CDK8: variants seen among roughly 807,000 people sequenced by gnomAD.
CDK8 encodes cyclin dependent kinase 8.
A neutral mutation model predicts 71.5 loss-of-function variants in CDK8; 29 were observed. That is an observed-to-expected ratio of 0.41 (90% CI 0.30 to 0.55). The LOEUF (loss-of-function observed/expected upper bound fraction) is 0.55, where lower values mean the gene tolerates loss of function less well. Among genes scored for constraint, CDK8 ranks in the 20% least tolerant of loss-of-function variants. The pLI is 0.37. For synonymous variants in CDK8, 161 were observed against 192.1 expected (o/e 0.84, Z 1.34); for missense variants, 288 against 572.6 (o/e 0.50, Z 5.07).
chr13:26,322,026 A>G (rs949877142), intron 1 of CDK8, among the ~76,000 whole-genome samples: 1 of 152,104 alleles, frequency 6.6e-6, no homozygotes, highest in South Asian at 2.1e-4. Context: ...TTCGGGATAA[A>G]TGTTATCATC....
At chr13:26,283,234 T>G (rs1401414035) in intron 1 of CDK8, among the ~76,000 whole-genome samples, 4 of 152,194 alleles carry the variant, frequency 2.6e-5, no homozygotes, top group African/African-American at 9.6e-5. Flanking sequence ...ACCCAACAAC[T>G]GCAGAATATA....
intron 4 of CDK8, among the ~76,000 whole-genome samples, chr13:26,371,798 A>G (rs774389027): frequency 6.6e-5 from 10 of 151,874 alleles, no homozygotes; most frequent in Non-Finnish European, 1.5e-4. Flanking sequence ...TTGTATTTTT[A>G]GTAGAGATGG....
chr13:26,322,078 C>T (rs1164811714), intron 1 of CDK8, among the ~76,000 whole-genome samples: 2 of 152,044 alleles, frequency 1.3e-5, no homozygotes, highest in African/African-American at 4.8e-5. Context: ...GCCAGGAAGT[C>T]CCACTGATTG....
chr13:26,264,999 G>A (rs1871960294), intron 1 of CDK8, among the ~76,000 whole-genome samples: 1 of 152,102 alleles, frequency 6.6e-6, no homozygotes, highest in East Asian at 1.9e-4. Flanking sequence ...TTAGATTGAT[G>A]CCATACCTTT....
chr13:26,389,377 C>T (rs986670516), intron 6 of CDK8, among the ~76,000 whole-genome samples: 2 of 151,968 alleles, frequency 1.3e-5, no homozygotes, highest in Non-Finnish European at 2.9e-5. Flanking sequence ...CCAGGCTGGT[C>T]TCGAACTCCT....
chr13:26,294,053 A>G (rs549174904), intron 1 of CDK8, among the ~76,000 whole-genome samples: 1 of 152,308 alleles, frequency 6.6e-6, no homozygotes, highest in South Asian at 2.1e-4. Context: ...ACATAACAAC[A>G]TAATGCCCTC....
intron 2 of CDK8, among the ~76,000 whole-genome samples, chr13:26,339,754 A>ATATATATATATAT (rs66521623): frequency 1.9e-4 from 25 of 129,334 alleles, no homozygotes; most frequent in Middle Eastern, 3.8e-3. Context: ...ACTTAAAAAA[A>ATATATATATATAT]AAATATATAT....
At position 26,337,572 on chromosome 13, in the gene CDK8, A is replaced by T; in HGVS notation, c.134A>T (p.Asp45Val). ...AAATAACTTTGTTTTTACAGGAAGG[A>T]TGATAAAGACTATGCTTTAAAACAA... ...VYKAKRKDGK[D>V]DKDYALKQIE... The change falls in exon 2 of 13, where the codon GAT (aspartate) becomes GTT (valine). Residue 45 changes from aspartate to valine, a missense_variant. By Grantham distance (152) the Asp-to-Val change is radical. Coordinates refer to ENST00000381527, the MANE Select transcript of CDK8 (RefSeq NM_001260.3). The T allele has an allele frequency of 7.0e-7, 1 of 1,420,384 alleles. No individual in the cohort carries two copies. Among genetic ancestry groups the T allele is most frequent in the Non-Finnish European group, 9.3e-7 (1 of 1,069,816 alleles). 88.0% of individuals were successfully genotyped at this position (1,420,384 alleles called of 1,614,324 possible).
rs551263202 is a variant in CDK8, at chr13:26,398,096, C to T, written c.933+871C>T. Among the ~76,000 whole-genome samples the T allele has an allele frequency of 2.0e-5, 3 of 152,220 alleles. No individual in the cohort carries two copies. The South Asian group carries it at 6.2e-4, about 32-fold the overall frequency. On this transcript the variant is annotated intron_variant, in intron 9 of 12. Coordinates refer to ENST00000381527, the MANE Select transcript of CDK8 (RefSeq NM_001260.3). ...TCTCCTTTTTCTTCGCTTTCTACTG[C>T]TTCTCCTTCTGTATTTTCTACTTAC...
At chr13:26,350,984 T>C (rs1873658073) in intron 3 of CDK8, among the ~76,000 whole-genome samples, 1 of 152,032 alleles carries the variant, frequency 6.6e-6, no homozygotes, top group African/African-American at 2.4e-5. Flanking sequence ...ACCTTGCAGA[T>C]AAAACTTTGA....
intron 1 of CDK8, among the ~76,000 whole-genome samples, chr13:26,309,971 G>C (rs1874212758): frequency 6.6e-6 from 1 of 151,946 alleles, no homozygotes; most frequent in Non-Finnish European, 1.5e-5. Flanking sequence ...GGCCAGGCTG[G>C]TCTCGAACTT....
intron 1 of CDK8, among the ~76,000 whole-genome samples, chr13:26,259,952 A>C (rs1014684373): frequency 3.3e-5 from 5 of 152,208 alleles, no homozygotes; most frequent in Non-Finnish European, 5.9e-5. Flanking sequence ...TGCAAGGTAT[A>C]TGGCAACACA....
At chr13:26,391,671 A>G (rs901290139) in intron 6 of CDK8, among the ~76,000 whole-genome samples, 3 of 152,188 alleles carry the variant, frequency 2.0e-5, no homozygotes, top group Admixed American at 6.5e-5. Flanking sequence ...CAAAATAATT[A>G]ATTTTCCCAT....
At chr13:26,260,360 C>G (rs977472890) in intron 1 of CDK8, among the ~76,000 whole-genome samples, 7 of 152,132 alleles carry the variant, frequency 4.6e-5, no homozygotes, top group African/African-American at 1.2e-4. Context: ...ATCATGAGAA[C>G]ATTGGCCATT....
chr13:26,373,445 TA>T (rs892126681), intron 4 of CDK8, among the ~76,000 whole-genome samples: 162 of 149,220 alleles, frequency 1.1e-3, no homozygotes, highest in African/African-American at 3.7e-3. Flanking sequence ...TTATCAAGAA[TA>T]AAAAAAAAAT....
chr13:26,348,011 A>C (rs1873528608), intron 2 of CDK8, among the ~76,000 whole-genome samples: 1 of 152,154 alleles, frequency 6.6e-6, no homozygotes, highest in East Asian at 1.9e-4. Flanking sequence ...ATTAATCACA[A>C]TAACCAGAGG....
At chr13:26,267,972 C>G (rs1486391851) in intron 1 of CDK8, among the ~76,000 whole-genome samples, 6 of 152,130 alleles carry the variant, frequency 3.9e-5, no homozygotes, top group Non-Finnish European at 7.3e-5. Flanking sequence ...TCACCATGCT[C>G]AAGTACAAGT....
intron 2 of CDK8, among the ~76,000 whole-genome samples, chr13:26,338,683 C>T (rs1216138942): frequency 1.3e-5 from 2 of 152,042 alleles, no homozygotes; most frequent in African/African-American, 4.8e-5. Context: ...TTTTTTAATA[C>T]TTTTCAATCT....
rs951307063 is a variant in CDK8, at chr13:26,364,289, T to C, written c.456+10409T>C. Among the ~76,000 whole-genome samples the C allele has an allele frequency of 2.5e-4, 38 of 152,198 alleles. 1 individual carries two copies. Among genetic ancestry groups the C allele is most frequent in the African/African-American group, 8.9e-4 (37 of 41,458 alleles). On this transcript the variant is annotated intron_variant, in intron 4 of 12. Transcript: ENST00000381527. ...AATAAATATGAGAGTGCATCATATA[T>C]GTTAAGGGTAATTACTGTTTCATGA...
Sources: allele counts gnomAD v4.1 joint callset (sites outside exome capture counted in the v4.1 genomes callset), GRCh38; gene constraint gnomAD v4.1.1; transcripts MANE v1.5; gene names NCBI Gene and HGNC (gene_info 2026-07-23, HGNC 2026-07-21).